FARS2: variants seen among roughly 807,000 people sequenced by gnomAD.
The protein encoded by FARS2 is phenylalanyl-tRNA synthetase 2, mitochondrial.
FARS2 carries 40 observed loss-of-function variants against 46.4 expected under a neutral mutation model. That is an observed-to-expected ratio of 0.86 (90% CI 0.67 to 1.12). FARS2 has a LOEUF of 1.12. FARS2 is among the 50% of genes most tolerant of loss of function. The pLI is 0.00. For missense variants in FARS2, 513 were observed against 567.9 expected (o/e 0.90, Z 0.98); for synonymous variants, 234 against 214.9 (o/e 1.09, Z -0.78).
At chr6:5,665,317 T>A (rs1348729783) in intron 6 of FARS2, 1 of 152,438 alleles carries the variant, frequency 6.6e-6, no homozygotes, top group Non-Finnish European at 1.5e-5. Flanking sequence ...TGGCTGAGGC[T>A]GGCACTCCAC....
chr6:5,556,778 T>C (rs1038954193), intron 5 of FARS2, among the ~76,000 whole-genome samples: 2 of 152,062 alleles, frequency 1.3e-5, no homozygotes, highest in African/African-American at 4.8e-5. Context: ...GTTAAACATA[T>C]CCAATATCCT....
intron 5 of FARS2, among the ~76,000 whole-genome samples, chr6:5,566,835 G>A (rs1004353040): frequency 1.3e-5 from 2 of 152,158 alleles, no homozygotes; most frequent in Non-Finnish European, 2.9e-5. Context: ...TCCCCTTACA[G>A]GTGAAACCAA....
intron 4 of FARS2, among the ~76,000 whole-genome samples, chr6:5,441,036 C>G (rs1763815995): frequency 6.6e-6 from 1 of 152,086 alleles, no homozygotes; most frequent in African/African-American, 2.4e-5. Context: ...ATTCTCCTGC[C>G]TCAGCCTTCT....
chr6:5,260,892 G>C (rs907400214), upstream of FARS2: 5 of 1,403,460 alleles, frequency 3.6e-6, no homozygotes, highest in Non-Finnish European at 4.6e-6. Flanking sequence ...GCAGCCCTGC[G>C]GATCGCGGAC....
chr6:5,685,893 CTG>C (rs1211523979), intron 6 of FARS2, among the ~76,000 whole-genome samples: 1 of 152,132 alleles, frequency 6.6e-6, no homozygotes, highest in African/African-American at 2.4e-5. Flanking sequence ...AAAATGAAGA[CTG>C]TAATTTTTAA....
chr6:5,254,657 C>G, the FARS2 span, among the ~76,000 whole-genome samples: 1 of 152,170 alleles, frequency 6.6e-6, no homozygotes, highest in African/African-American at 2.4e-5. Context: ...CTGCTTATCT[C>G]CCGCTTAACC....
In FARS2 at chr6:5,545,253, C is replaced by T; in HGVS notation, c.978C>T (p.Ile326=). The T allele has an allele frequency of 1.2e-6, 2 of 1,614,036 alleles. No homozygotes were observed. ...GGCTAGCCATGATCCTCTACGACAT[C>T]CCTGATATCCGTCTCTTCTGGTGTG... ...LERLAMILYD[I]PDIRLFWCED... is the part of the protein sequence containing the mutation. Residue 326 remains isoleucine, a synonymous_variant, in exon 5 of 7, where the codon ATC becomes ATT. Transcript: ENST00000274680.
intron 4 of FARS2, among the ~76,000 whole-genome samples, chr6:5,539,373 A>ATT (rs200878410): frequency 0.17 from 13,217 of 77,908 alleles, 1,726 homozygotes; most frequent in East Asian, 0.47. Flanking sequence ...TGCCCACCTA[A>ATT]TTTTTTTTGT....
intron 1 of FARS2, among the ~76,000 whole-genome samples, chr6:5,358,867 A>G (rs140820894): frequency 1.3e-5 from 2 of 152,056 alleles, no homozygotes; most frequent in African/African-American, 2.4e-5. Flanking sequence ...ATATTTTTCT[A>G]TTTGTTTTTG....
intron 6 of FARS2, among the ~76,000 whole-genome samples, chr6:5,617,113 C>A (rs114818146): frequency 0.013 from 1,898 of 146,752 alleles, 43 homozygotes; most frequent in African/African-American, 0.044. Context: ...AGGCAGACAC[C>A]CCATTAAAAA....
chr6:5,701,409 T>A (rs1758428862), intron 6 of FARS2, among the ~76,000 whole-genome samples: 2 of 152,226 alleles, frequency 1.3e-5, no homozygotes, highest in South Asian at 4.1e-4. Context: ...GGGGGAAGCA[T>A]GCAGTTCAGG....
intron 6 of FARS2, among the ~76,000 whole-genome samples, chr6:5,721,748 G>A (rs1759925577): frequency 6.6e-6 from 1 of 152,154 alleles, no homozygotes; most frequent in Admixed American, 6.5e-5. Context: ...TTTATCATTG[G>A]CCAAAAACAC....
chr6:5,694,428 T>C (rs1457924167), intron 6 of FARS2, among the ~76,000 whole-genome samples: 2 of 152,232 alleles, frequency 1.3e-5, no homozygotes, highest in African/African-American at 2.4e-5. Context: ...TTAGAAATTA[T>C]GGGGAAAGTA....
chr6:5,252,894 T>C, the FARS2 span, among the ~76,000 whole-genome samples: 1 of 152,106 alleles, frequency 6.6e-6, no homozygotes, highest in Admixed American at 6.5e-5. Context: ...GGCAGCTACA[T>C]ACCTCTAGAC....
At chr6:5,671,543 TC>T (rs1177425188) in intron 6 of FARS2, among the ~76,000 whole-genome samples, 2 of 152,096 alleles carry the variant, frequency 1.3e-5, no homozygotes, top group African/African-American at 4.8e-5. Flanking sequence ...ATGGTGAGGC[TC>T]CCCCTTCTCG....
intron 1 of FARS2, among the ~76,000 whole-genome samples, chr6:5,267,264 T>C (rs1765614126): frequency 6.6e-6 from 1 of 152,222 alleles, no homozygotes; most frequent in African/African-American, 2.4e-5. Flanking sequence ...TGTGATTTGT[T>C]GTAATCTGTT....
At chr6:5,307,878 C>T (rs1250087447) in intron 1 of FARS2, among the ~76,000 whole-genome samples, 33 of 151,756 alleles carry the variant, frequency 2.2e-4, no homozygotes, top group Non-Finnish European at 2.9e-5. Context: ...CCTGAGTTGG[C>T]GGAAAAGCAC....
In FARS2 at chr6:5,368,642, C is replaced by T. The variant is rs894420718; in HGVS notation, c.72C>T (p.Ser24=). The T allele has an allele frequency of 8.1e-6, 13 of 1,614,084 alleles. No individual in the cohort carries two copies. The highest frequency in any genetic ancestry group is 8.5e-6 in the Non-Finnish European group (10 of 1,180,036). ...TGGTGAGTAAGGCCAGTCACATCTC[C>T]AGAGGCCATCAGCACCAGGCCTGGG... The part of the protein sequence containing the change: ...VYLVSKASHI[S]RGHQHQAWGS... The change falls in exon 2 of 7, where the codon TCC becomes TCT. Residue 24 remains serine (S), a synonymous_variant. Coordinates refer to ENST00000274680, the MANE Select transcript of FARS2 (RefSeq NM_006567.5).
At chr6:5,717,629 T>C (rs1481176366) in intron 6 of FARS2, among the ~76,000 whole-genome samples, 4 of 152,178 alleles carry the variant, frequency 2.6e-5, no homozygotes. Context: ...ATGAGTGGTG[T>C]ATCTACTTAC....
Sources: allele counts gnomAD v4.1 joint callset (sites outside exome capture counted in the v4.1 genomes callset), GRCh38; gene constraint gnomAD v4.1.1; transcripts MANE v1.5; gene names NCBI Gene and HGNC (gene_info 2026-07-23, HGNC 2026-07-21).